Variants in PTPRK observed in about 807,000 individuals in gnomAD.
PTPRK encodes receptor-type tyrosine-protein phosphatase kappa.
Under a neutral mutation model 178.0 loss-of-function variants are expected in PTPRK, and 75 were observed. That is an observed-to-expected ratio of 0.42 (90% CI 0.35 to 0.51). PTPRK has a LOEUF of 0.51. PTPRK is among the 20% of genes least tolerant of loss of function. PTPRK has a pLI of 0.02. For missense variants in PTPRK, 1,441 were observed against 1,797.8 expected, an observed-to-expected ratio of 0.80 and a Z score of 3.59; for synonymous variants, 637 against 620.6, an observed-to-expected ratio of 1.03 and a Z score of -0.39.
At chr6:128,242,280 C>T (rs1008482405) in intron 4 of PTPRK, among the ~76,000 whole-genome samples, 1 of 152,038 alleles carries the variant, frequency 6.6e-6, no homozygotes, top group Non-Finnish European at 1.5e-5. Context: ...ATTTTGTTCT[C>T]AGTAATGAAA....
chr6:128,147,984 G>A (rs1350940222), intron 7 of PTPRK, among the ~76,000 whole-genome samples: 1 of 151,300 alleles, frequency 6.6e-6, no homozygotes, highest in Non-Finnish European at 1.5e-5. Flanking sequence ...GTAATGTGAT[G>A]GAGAAAAAAA....
At chr6:128,197,817 C>T (rs947063912) in intron 6 of PTPRK, among the ~76,000 whole-genome samples, 4 of 151,948 alleles carry the variant, frequency 2.6e-5, no homozygotes, top group Middle Eastern at 3.2e-3. Context: ...TCTGAAAATG[C>T]GCTACAAATT....
intron 2 of PTPRK, among the ~76,000 whole-genome samples, chr6:128,371,220 T>C (rs1359929907): frequency 2.0e-5 from 3 of 152,220 alleles, no homozygotes; most frequent in Non-Finnish European, 4.4e-5. Flanking sequence ...CGATTCATTT[T>C]ATTAGTTACA....
chr6:128,135,242 G>C (rs907605802), intron 7 of PTPRK, among the ~76,000 whole-genome samples: 3 of 152,150 alleles, frequency 2.0e-5, no homozygotes, highest in African/African-American at 7.2e-5. Flanking sequence ...CAAAAAATAT[G>C]TGGGGTTTCC....
chr6:128,293,571 A>C (rs1325193194), intron 3 of PTPRK, among the ~76,000 whole-genome samples: 1 of 152,028 alleles, frequency 6.6e-6, no homozygotes, highest in Non-Finnish European at 1.5e-5. Context: ...CTTATTATTT[A>C]ATTGGACTGG....
chr6:128,126,766 G>A (rs944048947), intron 7 of PTPRK, among the ~76,000 whole-genome samples: 3 of 152,204 alleles, frequency 2.0e-5, no homozygotes. Context: ...TGAGGTTATA[G>A]GGGTGACCCA....
chr6:128,039,557 A>G (rs1776813941), intron 13 of PTPRK, among the ~76,000 whole-genome samples: 1 of 152,216 alleles, frequency 6.6e-6, no homozygotes, highest in African/African-American at 2.4e-5. Context: ...TTGGATAATC[A>G]TATACTTGTT....
At chr6:128,425,575 C>G (rs961671824) in intron 1 of PTPRK, among the ~76,000 whole-genome samples, 1 of 151,270 alleles carries the variant, frequency 6.6e-6, no homozygotes, top group African/African-American at 2.4e-5. Context: ...CCTTTCCTTT[C>G]ATAACTTTTC....
At chr6:128,283,151 C>T (rs553304336) in intron 3 of PTPRK, among the ~76,000 whole-genome samples, 1 of 152,216 alleles carries the variant, frequency 6.6e-6, no homozygotes, top group Admixed American at 6.5e-5. Context: ...CTTGTGCTCG[C>T]CCCCAAGGCT....
At chr6:128,516,177 A>C (rs553221597) in intron 1 of PTPRK, among the ~76,000 whole-genome samples, 3 of 152,288 alleles carry the variant, frequency 2.0e-5, no homozygotes, top group African/African-American at 7.2e-5. Context: ...TTGCTAGAAA[A>C]GAGTAGGAGG....
intron 22 of PTPRK, 54 bp from the exon 23 acceptor site, chr6:127,983,431 C>A (rs1202090559): frequency 1.3e-6 from 2 of 1,574,208 alleles, no homozygotes; most frequent in Non-Finnish European, 1.7e-6. Context: ...TCTTCATAAC[C>A]TTAAATAAGG....
chr6:128,057,374 A>G (rs958036979), intron 13 of PTPRK, among the ~76,000 whole-genome samples: 1 of 152,192 alleles, frequency 6.6e-6, no homozygotes, highest in Non-Finnish European at 1.5e-5. Flanking sequence ...GAGGTTTCCC[A>G]TCATTCCCTG....
chr6:128,208,131 T>C (rs1807310705), intron 6 of PTPRK, among the ~76,000 whole-genome samples: 1 of 152,030 alleles, frequency 6.6e-6, no homozygotes, highest in South Asian at 2.1e-4. Flanking sequence ...TTAGCAATCC[T>C]GCACAGTACA....
intron 1 of PTPRK, among the ~76,000 whole-genome samples, chr6:128,415,808 C>CAGACCCCA (rs1842784187): frequency 6.6e-6 from 1 of 152,078 alleles, no homozygotes; most frequent in African/African-American, 2.4e-5. Context: ...GTCCATGACA[C>CAGACCCCA]ATAGGAAGGC....
intron 1 of PTPRK, among the ~76,000 whole-genome samples, chr6:128,431,168 C>T (rs2128393963): frequency 6.6e-6 from 1 of 152,056 alleles, no homozygotes; most frequent in South Asian, 2.1e-4. Flanking sequence ...TAACTCCAGA[C>T]CTCAAGTGAT....
At chr6:128,082,300 C>T in intron 10 of PTPRK, 137 bp downstream of exon 10, 1 of 731,480 alleles carries the variant, frequency 1.4e-6, no homozygotes, top group Non-Finnish European at 2.2e-6. Flanking sequence ...ATTTAAAGTG[C>T]TTTCATTTAT....
At chr6:128,201,133 A>G (rs1805867525) in intron 6 of PTPRK, among the ~76,000 whole-genome samples, 1 of 152,148 alleles carries the variant, frequency 6.6e-6, no homozygotes, top group African/African-American at 2.4e-5. Flanking sequence ...TATGTAATTT[A>G]TTTTTTCTAC....
intron 3 of PTPRK, among the ~76,000 whole-genome samples, chr6:128,278,995 G>A (rs1261480967): frequency 6.6e-6 from 1 of 151,964 alleles, no homozygotes; most frequent in Non-Finnish European, 1.5e-5. Flanking sequence ...AAGAGGCCAG[G>A]GATGGGGGTA....
chr6:128,281,814 T>C (rs77036608), intron 3 of PTPRK, among the ~76,000 whole-genome samples: 5,810 of 152,244 alleles, frequency 0.038, 385 homozygotes, highest in African/African-American at 0.13. Context: ...GCCATATACT[T>C]ATACACAAAC....
Sources: allele counts gnomAD v4.1 joint callset (sites outside exome capture counted in the v4.1 genomes callset), GRCh38; gene constraint gnomAD v4.1.1; transcripts MANE v1.5; gene names NCBI Gene and HGNC (gene_info 2026-07-23, HGNC 2026-07-21).